The following ZNF763 variants were observed in gnomAD, a reference collection of about 807,000 sequenced individuals.
The protein encoded by ZNF763 is DNA-binding protein.
A neutral mutation model predicts 38.0 loss-of-function variants in ZNF763; 33 were observed. The observed-to-expected ratio is 0.87, with a 90% CI of 0.66 to 1.16. The LOEUF (loss-of-function observed/expected upper bound fraction) is 1.16. Ranked by LOEUF, ZNF763 falls within the 50% of genes most tolerant of loss-of-function variation. ZNF763 has a pLI of 0.00. For synonymous variants in ZNF763, 155 were observed against 160.1 expected (o/e 0.97, Z 0.24); for missense variants, 423 against 469.1 (o/e 0.90, Z 0.91).
At chr19:11,977,187 C>G in intron 2 of ZNF763, 23 bp downstream of exon 2, 1 of 1,613,462 alleles carries the variant, frequency 6.2e-7, no homozygotes, top group Non-Finnish European at 8.5e-7. Context: ...ATATTCCTTC[C>G]CTCAGTCCAT....
chr19:11,979,739 A>G lies in ZNF763; in HGVS notation c.*630A>G. ...GTGTAAGCAATGTGGGAAAGCCTTC[A>G]GATCTGCCCCACACCTTCGAATCCA... On this transcript the variant is annotated 3_prime_UTR_variant, in exon 4 of 4. Transcript: ENST00000358987. 1 of 1,595,820 alleles carries G rather than the reference A, an allele frequency of 6.3e-7. No homozygotes were observed.
Position 11,977,398 on chromosome 19 carries a change from A to T in ZNF763, c.158A>T (p.Glu53Val), listed in dbSNP as rs769653477. ...AAAAAGTGGAAAGACCAGAACATTG[A>T]ATATGAGTACCAAAACCCCAGGAGA... ...IGKKWKDQNI[E>V]YEYQNPRRNF... is the part of the protein sequence containing the mutation. Residue 53 changes from glutamate to valine, a missense_variant, in exon 3 of 4, where the codon GAA becomes GTA. Coordinates refer to ENST00000358987, the MANE Select transcript of ZNF763 (RefSeq NM_001367172.2). 1 of 1,614,038 alleles carries T rather than the reference A, an allele frequency of 6.2e-7. No homozygotes were observed. The highest frequency in any genetic ancestry group is 8.5e-7 in the Non-Finnish European group (1 of 1,179,934).
chr19:11,965,707 G>A (rs1973213290), intron 1 of ZNF763, among the ~76,000 whole-genome samples: 1 of 152,236 alleles, frequency 6.6e-6, no homozygotes, highest in Non-Finnish European at 1.5e-5. Flanking sequence ...AACTGAAAAA[G>A]CCAAACAATG....
chr19:11,976,596 G>C (rs1476889960), intron 1 of ZNF763, among the ~76,000 whole-genome samples: 1 of 150,896 alleles, frequency 6.6e-6, no homozygotes, highest in East Asian at 1.9e-4. Context: ...GCCAGGTGTG[G>C]TGGCTCATGC....
At chr19:11,976,284 A>G (rs1293695508) in intron 1 of ZNF763, among the ~76,000 whole-genome samples, 1 of 151,770 alleles carries the variant, frequency 6.6e-6, no homozygotes, top group Non-Finnish European at 1.5e-5. Context: ...CACAGTTCAA[A>G]GAGACAGTAG....
At chr19:11,970,418 T>A (rs1228051133) in intron 1 of ZNF763, among the ~76,000 whole-genome samples, 1 of 152,174 alleles carries the variant, frequency 6.6e-6, no homozygotes, top group Non-Finnish European at 1.5e-5. Context: ...TTTCTTCTGT[T>A]ATAACAACGT....
In ZNF763 at chr19:11,979,497, C is replaced by A. The variant is rs190705; in HGVS notation, c.*388C>A. 123,275 of 1,592,656 alleles carry A rather than the reference C, an allele frequency of 0.077. 12,368 individuals carry two copies. Among genetic ancestry groups the A allele is most frequent in the African/African-American group, 0.51 (37,827 of 73,810 alleles). ...TGTGGGAAAGGCTTTTATTCTCCCACGTCATTTCAAAGACATGAAAAAACT... is the reference window on the plus strand; with the variant it reads ...TGTGGGAAAGGCTTTTATTCTCCCAAGTCATTTCAAAGACATGAAAAAACT... On this transcript the variant is annotated 3_prime_UTR_variant, in exon 4 of 4. Transcript: ENST00000358987.
At chr19:11,974,081 CTTTCTTTCT>C (rs748771835) in intron 1 of ZNF763, among the ~76,000 whole-genome samples, 1 of 76,706 alleles carries the variant, frequency 1.3e-5, no homozygotes, top group Non-Finnish European at 2.7e-5. Flanking sequence ...TTCTTTCTTT[CTTTCTTTCT>C]TTCTTTCTTT....
intron 1 of ZNF763, among the ~76,000 whole-genome samples, chr19:11,971,862 G>A (rs1973358074): frequency 6.6e-6 from 1 of 152,130 alleles, no homozygotes; most frequent in Non-Finnish European, 1.5e-5. Flanking sequence ...TCAGGAGTTT[G>A]AGACCAGCCT....
intron 1 of ZNF763, among the ~76,000 whole-genome samples, chr19:11,973,613 T>G (rs1424789969): frequency 6.6e-6 from 1 of 152,212 alleles, no homozygotes; most frequent in Non-Finnish European, 1.5e-5. Context: ...CCTGGTGTGA[T>G]GCCTCATCCC....
intron 1 of ZNF763, among the ~76,000 whole-genome samples, chr19:11,966,533 C>G (rs944664997): frequency 1.3e-5 from 2 of 152,108 alleles, no homozygotes; most frequent in South Asian, 4.1e-4. Context: ...ACCACCATGC[C>G]TGGCTAATTT....
intron 3 of ZNF763, 69 bp from the exon 4 acceptor site, chr19:11,978,047 C>T: frequency 6.4e-7 from 1 of 1,555,620 alleles, no homozygotes; most frequent in Middle Eastern, 1.8e-4. Context: ...GTTAAAAATG[C>T]AAGTGCAATA....
chr19:11,974,061 C>CTTCTTTCTT (rs1568308148), intron 1 of ZNF763, among the ~76,000 whole-genome samples: 1 of 144,208 alleles, frequency 6.9e-6, no homozygotes, highest in African/African-American at 2.7e-5. Flanking sequence ...TCTTTCTTTC[C>CTTCTTTCTT]TTCTTTCTTT....
At position 11,979,988 on chromosome 19, in the gene ZNF763, A is replaced by G; in HGVS notation, c.*879A>G. ...CACTGGAGAGAAACCCTATGAGTGT[A>G]AGCAATGTGGGAAAGCCTTTATTTC... On this transcript the variant is annotated 3_prime_UTR_variant, in exon 4 of 4. Coordinates refer to ENST00000358987, the MANE Select transcript of ZNF763 (RefSeq NM_001367172.2). 8.4e-7 allele frequency: 1 copy of G among 1,184,642 alleles called. No homozygotes were observed. Among genetic ancestry groups the G allele is most frequent in the Non-Finnish European group, 1.2e-6 (1 of 804,346 alleles). 73.4% of individuals were successfully genotyped at this position (1,184,642 alleles called of 1,614,324 possible). A position where few individuals can be genotyped will look rare whatever the true frequency, so the allele number is the denominator to read the frequency against.
At chr19:11,967,832 G>A (rs1973269222) in intron 1 of ZNF763, among the ~76,000 whole-genome samples, 1 of 152,250 alleles carries the variant, frequency 6.6e-6, no homozygotes, top group Non-Finnish European at 1.5e-5. Flanking sequence ...TCTTGTCTAT[G>A]TAAAGACTAA....
rs1445579952 is a variant in ZNF763 at position 11,978,756 on chromosome 19, C to A, written c.832C>A (p.His278Asn). Residue 278 changes from histidine to asparagine, a missense_variant, in exon 4 of 4, where the codon CAC becomes AAC. Transcript: ENST00000358987. ...SSSFQAHKRT[H>N]TGGKPYECKQ... ...TTCTTTTCAAGCACATAAAAGAACC[C>A]ACACTGGGGGAAAGCCATATGAATG... is the stretch of plus-strand genomic sequence containing the variant. 5 of 1,613,872 alleles carry A rather than the reference C, an allele frequency of 3.1e-6. No individual in the cohort carries two copies. Among genetic ancestry groups the A allele is most frequent in the South Asian group, 1.1e-5 (1 of 91,080 alleles).
chr19:11,970,641 T>C (rs1236291540), intron 1 of ZNF763, among the ~76,000 whole-genome samples: 1 of 152,190 alleles, frequency 6.6e-6, no homozygotes, highest in Non-Finnish European at 1.5e-5. Context: ...CATAGTTTCA[T>C]ATTACCTTAA....
chr19:11,978,122 C>G lies in ZNF763; in HGVS notation c.198C>G (p.Leu66=). 1 of 1,612,434 alleles carries G rather than the reference C, an allele frequency of 6.2e-7. No individual in the cohort carries two copies. The highest frequency in any genetic ancestry group is 8.5e-7 in the Non-Finnish European group (1 of 1,179,692). The change falls in exon 4 of 4, where the codon CTC becomes CTG. Residue 66 remains leucine (L), a synonymous_variant. Coordinates refer to ENST00000358987, the MANE Select transcript of ZNF763 (RefSeq NM_001367172.2). The stretch of plus-strand genomic sequence containing the variant: ...TGCTTCTCACTTTTGACAGGAGTCT[C>G]ATAGAAGGGAATGTCAATGAAATTA... ...YQNPRRNFRS[L]IEGNVNEIKE...
At chr19:11,976,780 C>T (rs145825004) in intron 1 of ZNF763, 15,998 of 922,488 alleles carry the variant, frequency 0.017, 167 homozygotes, top group South Asian at 0.022. Context: ...GCAGGAGAAT[C>T]GCTTGAACCC....
Sources: gnomAD v4.1 joint callset for allele counts (sites outside exome capture counted in the v4.1 genomes callset) on GRCh38, gnomAD v4.1.1 for gene constraint, MANE v1.5 for transcripts, NCBI Gene and HGNC (gene_info 2026-07-23, HGNC 2026-07-21) for gene names.